Variants in TARBP1 observed in about 807,000 individuals in gnomAD.
TARBP1 encodes tRNA guanosine 2 -O-methyltransferase TARBP1, also known as tRNA (guanosine(18)-2'-O)-methyltransferase TARBP1.
Under a neutral mutation model 178.6 loss-of-function variants are expected in TARBP1, and 144 were observed. The ratio of observed to expected loss-of-function variants is 0.81; its 90% CI spans 0.70 to 0.93. The LOEUF is 0.93. Ranked by LOEUF, TARBP1 falls within the 40% of genes least tolerant of loss-of-function variation. TARBP1 has a pLI of 0.00. For missense variants in TARBP1, 2,067 were observed against 2,011.7 expected, an observed-to-expected ratio of 1.03 and a Z score of -0.53; for synonymous variants, 787 against 781.0, an observed-to-expected ratio of 1.01 and a Z score of -0.13.
Position 234,448,927 on chromosome 1 carries a change from T to C in TARBP1, c.1862-348A>G, listed in dbSNP as rs568279007. 4.9e-4 allele frequency among the ~76,000 whole-genome samples: 75 copies of C among 152,038 alleles called. 1 individual carries two copies. The highest frequency in any genetic ancestry group is 1.8e-3 in the African/African-American group (74 of 41,462). The stretch of plus-strand genomic sequence containing the variant: ...GTGAGGGCTACGAATGAGAAGTACA[T>C]GGTGCTAGTGGAGTCTACACTAGGA... On this transcript the variant is annotated intron_variant, in intron 10 of 29. Coordinates refer to ENST00000040877, the MANE Select transcript of TARBP1 (RefSeq NM_005646.4).
intron 11 of TARBP1, among the ~76,000 whole-genome samples, chr1:234,447,429 C>G (rs561025017): frequency 8.3e-6 from 1 of 120,848 alleles, no homozygotes; most frequent in East Asian, 3.0e-4. Flanking sequence ...GGGTCTCACT[C>G]TGTCGCCCAG....
intron 4 of TARBP1, among the ~76,000 whole-genome samples, chr1:234,467,275 G>A (rs1167105929): frequency 1.3e-5 from 2 of 152,118 alleles, no homozygotes; most frequent in African/African-American, 2.4e-5. Context: ...TCTGAATATC[G>A]ATAATATACA....
Position 234,478,197 on chromosome 1 carries a change from T to C in TARBP1, c.907A>G (p.Thr303Ala), listed in dbSNP as rs749038530. The change falls in exon 1 of 30, where the codon ACC (threonine) becomes GCC (alanine). Residue 303 changes from threonine to alanine, a missense_variant. Physicochemically the swap from Thr to Ala is moderately conservative, Grantham distance 58. Transcript: ENST00000040877. The stretch of plus-strand genomic sequence containing the variant: ...CCGTTTCCTTCCTGGGGCCCGCAGG[T>C]GCAGTCGGCCCCCAGCTCCGCCGAC... ...EVSAELGADC[T>A]CGPQEGNGPS... is the part of the protein sequence containing the mutation. 1.9e-6 allele frequency: 3 copies of C among 1,611,406 alleles called. No homozygotes were observed. The highest frequency in any genetic ancestry group is 1.7e-5 in the Admixed American group (1 of 59,936).
rs1341496647 is a variant in TARBP1 at position 234,478,911 on chromosome 1, C to T, written c.193G>A (p.Ala65Thr). The stretch of plus-strand genomic sequence containing the variant: ...AGCAGTGGCACGAGGTACCCTGCAG[C>T]CACCTCGCGCGCCGCCTCCGGGAGC... ...GALPEAAREVAAGYLVPLLRS... is the reference protein window; with the variant it reads ...GALPEAAREVTAGYLVPLLRS... The change falls in exon 1 of 30, where the codon GCT becomes ACT. Residue 65 changes from alanine (A) to threonine (T), a missense_variant. Coordinates refer to ENST00000040877, the MANE Select transcript of TARBP1 (RefSeq NM_005646.4). 2.8e-6 allele frequency: 4 copies of T among 1,423,288 alleles called. No individual in the cohort carries two copies. Among genetic ancestry groups the T allele is most frequent in the East Asian group, 6.1e-5 (2 of 32,536 alleles). The allele number at this position is 1,423,288 out of a possible 1,614,324, so 88.2% of individuals were successfully genotyped here.
rs1012109093 is a variant in TARBP1 at position 234,472,780 on chromosome 1, T to C, written c.963A>G (p.Lys321=). The change falls in exon 2 of 30, where the codon AAA becomes AAG. Residue 321 remains lysine (K), a synonymous_variant. Coordinates refer to ENST00000040877, the MANE Select transcript of TARBP1 (RefSeq NM_005646.4). ...CCCAAAACTTTAGAAGCTCATCTTT[T>C]TTCCTCTCAGACCACCAAAACAGAC... The part of the protein sequence containing the change: ...GPSLFWWSER[K]KDELLKFWEN... The C allele has an allele frequency of 6.2e-7, 1 of 1,604,252 alleles. No individual in the cohort carries two copies. Among genetic ancestry groups the C allele is most frequent in the Non-Finnish European group, 8.5e-7 (1 of 1,177,680 alleles).
At chr1:234,436,689 T>C (rs1665057102) in intron 13 of TARBP1, among the ~76,000 whole-genome samples, 1 of 152,204 alleles carries the variant, frequency 6.6e-6, no homozygotes, top group South Asian at 2.1e-4. Context: ...CATTTCAACA[T>C]TTGTCCCTAG....
intron 3 of TARBP1, among the ~76,000 whole-genome samples, chr1:234,470,898 A>G (rs10910441): frequency 0.25 from 38,126 of 151,908 alleles, 6,653 homozygotes; most frequent in East Asian, 0.83. Flanking sequence ...TTACAGGCAT[A>G]AGCCACCACG....
intron 9 of TARBP1, among the ~76,000 whole-genome samples, chr1:234,451,467 G>A (rs1350994983): frequency 2.4e-5 from 1 of 41,744 alleles, no homozygotes; most frequent in South Asian, 5.9e-4. Context: ...TGATGAATGG[G>A]CCGGGCGCGG....
intron 11 of TARBP1, among the ~76,000 whole-genome samples, chr1:234,447,463 T>C (rs1300415595): frequency 1.4e-5 from 2 of 144,616 alleles, no homozygotes; most frequent in South Asian, 2.3e-4. Context: ...GGTGTGATCA[T>C]AGCTCACTGT....
rs745952774 is a variant in TARBP1, at chr1:234,471,278, AT to A, written c.1030-22del. 4.1e-6 allele frequency: 6 copies of A among 1,480,578 alleles called. No homozygotes were observed. In the African/African-American group the frequency reaches 5.7e-5, roughly 14 times the overall value. The allele number at this position is 1,480,578 out of a possible 1,614,324, so 91.7% of individuals were successfully genotyped here. On this transcript the variant is annotated intron_variant, in intron 2 of 29. Coordinates refer to ENST00000040877, the MANE Select transcript of TARBP1 (RefSeq NM_005646.4). ...TGTATCTAAAAATAAGAGCAAAAAA[AT>A]CATATGAAATGAAAATGCATCTTGA... is the stretch of plus-strand genomic sequence containing the variant.
intron 11 of TARBP1, among the ~76,000 whole-genome samples, chr1:234,448,100 G>A (rs1666371994): frequency 2.0e-5 from 3 of 152,194 alleles, no homozygotes; most frequent in Non-Finnish European, 2.9e-5. Flanking sequence ...CACCACGCCC[G>A]GCTGATTTTT....
At chr1:234,463,099 A>C (rs1282443050) in intron 6 of TARBP1, among the ~76,000 whole-genome samples, 1 of 150,944 alleles carries the variant, frequency 6.6e-6, no homozygotes, top group Non-Finnish European at 1.5e-5. Context: ...TTCTAGGACA[A>C]GGTCTTACAT....
rs1663697867 is a variant in TARBP1, at chr1:234,425,926, A to T, written c.3324-133T>A. Reference sequence around the variant, plus strand: ...CTAAAATTAAGTAGGTCCATACTTAATGACAATACTTTTTAATTTAGAATA... The same window carrying T: ...CTAAAATTAAGTAGGTCCATACTTATTGACAATACTTTTTAATTTAGAATA... On this transcript the variant is annotated intron_variant, in intron 19 of 29. Transcript: ENST00000040877. The T allele has an allele frequency of 5.0e-5, 32 of 644,132 alleles. No individual in the cohort carries two copies. The South Asian group carries it at 7.1e-4, about 14-fold the overall frequency. 39.9% of individuals were successfully genotyped at this position (644,132 alleles called of 1,614,324 possible).
intron 13 of TARBP1, among the ~76,000 whole-genome samples, chr1:234,435,175 T>C (rs1330046813): frequency 2.0e-5 from 3 of 152,056 alleles, no homozygotes; most frequent in African/African-American, 7.2e-5. Flanking sequence ...CTTGGCTGGG[T>C]GCAGTGGCTC....
At chr1:234,450,303 A>G (rs1666617979) in intron 10 of TARBP1, 125 bp downstream of exon 10, 4 of 657,010 alleles carry the variant, frequency 6.1e-6, no homozygotes, top group Non-Finnish European at 9.7e-6. Context: ...TTACTGAAAT[A>G]CAAGTTTGGC....
rs560139125 is a variant in TARBP1, at chr1:234,451,988, C to T, written c.1723-1422G>A. On this transcript the variant is annotated intron_variant, in intron 9 of 29. Coordinates refer to ENST00000040877, the MANE Select transcript of TARBP1 (RefSeq NM_005646.4). ...CTCTAAAACTGGCCAGACTGCGTTG[C>T]CTAATTATTGCTACAAAATACGTGA... Among the ~76,000 whole-genome samples, 3 of 152,258 alleles carry T rather than the reference C, an allele frequency of 2.0e-5. No homozygotes were observed. The South Asian group carries it at 6.2e-4, about 32-fold the overall frequency.
Position 234,471,172 on chromosome 1 carries a change from TAAAAG to T in TARBP1, c.1099+11_1099+15del, listed in dbSNP as rs757293843. The stretch of plus-strand genomic sequence containing the variant: ...CCATAAATGTTATTAAAAAATAAAA[TAAAAG>T]TAATCGTTACCATTTTCCTCTGACA... On this transcript the variant is annotated intron_variant, in intron 3 of 29. Transcript: ENST00000040877. 3.6e-5 allele frequency: 56 copies of T among 1,562,958 alleles called. No individual in the cohort carries two copies. In the Admixed American group the frequency reaches 7.6e-4, roughly 21 times the overall value.
At chr1:234,400,047 T>TAAAAAC (rs886972293) in intron 25 of TARBP1, among the ~76,000 whole-genome samples, 4 of 148,224 alleles carry the variant, frequency 2.7e-5, no homozygotes, top group African/African-American at 1.0e-4. Flanking sequence ...AATAATAAAA[T>TAAAAAC]AAAAACAAAA....
At chr1:234,467,406 A>C (rs191039707) in intron 4 of TARBP1, 96 bp downstream of exon 4, 1 of 1,214,706 alleles carries the variant, frequency 8.2e-7, no homozygotes, top group Admixed American at 3.0e-5. Context: ...TTGGATGCAA[A>C]TCTCCAAAAT....
Sources: gnomAD v4.1 joint callset for allele counts (sites outside exome capture counted in the v4.1 genomes callset) on GRCh38, gnomAD v4.1.1 for gene constraint, MANE v1.5 for transcripts, NCBI Gene and HGNC (gene_info 2026-07-23, HGNC 2026-07-21) for gene names.